USP38: variants seen among roughly 807,000 people sequenced by gnomAD.
USP38 encodes the protein ubiquitin carboxyl-terminal hydrolase 38.
In USP38, 49 loss-of-function variants were observed where a neutral mutation model predicts 94.3. The ratio of observed to expected loss-of-function variants is 0.52; its 90% confidence interval spans 0.41 to 0.66. The LOEUF (loss-of-function observed/expected upper bound fraction) is 0.66, where lower values mean the gene tolerates loss of function less well. Among genes scored for constraint, USP38 ranks in the 30% least tolerant of loss-of-function variants. The pLI is 0.00. For synonymous variants in USP38, 468 were observed against 463.6 expected, an observed-to-expected ratio of 1.01 and a Z score of -0.12; for missense variants, 1,128 against 1,229.4, an observed-to-expected ratio of 0.92 and a Z score of 1.23.
At chr4:143,206,288 T>A in intron 6 of USP38, 62 bp downstream of exon 6, 1 of 1,343,516 alleles carries the variant, frequency 7.4e-7, no homozygotes, top group Non-Finnish European at 1.0e-6. Flanking sequence ...TGATGAAATA[T>A]AAGATGATAG....
intron 2 of USP38, among the ~76,000 whole-genome samples, chr4:143,190,634 A>G (rs1731369727): frequency 6.6e-6 from 1 of 152,104 alleles, no homozygotes; most frequent in Non-Finnish European, 1.5e-5. Context: ...CCATCCTTTC[A>G]TTCCCTTTGA....
At chr4:143,201,269 A>C (rs982633515) in intron 4 of USP38, among the ~76,000 whole-genome samples, 3 of 152,234 alleles carry the variant, frequency 2.0e-5, no homozygotes, top group African/African-American at 7.2e-5. Flanking sequence ...TGTCAAAACA[A>C]GCAATGGGGA....
chr4:143,192,550 CTTTTTT>C (rs35416730), intron 2 of USP38, among the ~76,000 whole-genome samples: 1 of 103,410 alleles, frequency 9.7e-6, no homozygotes, highest in Non-Finnish European at 1.8e-5. Flanking sequence ...TCCCATATTA[CTTTTTT>C]TTTTTTTTTT....
Position 143,192,550 on chromosome 4 carries a change from C to CTTTT in USP38, c.819-3148_819-3145dup, listed in dbSNP as rs35416730. On this transcript the variant is annotated intron_variant, in intron 2 of 9. Coordinates refer to ENST00000307017, the MANE Select transcript of USP38 (RefSeq NM_032557.6). ...AGTGTCTCTATCAGATCCCATATTA[C>CTTTT]TTTTTTTTTTTTTTTTTTTTTCATT... Among the ~76,000 whole-genome samples the CTTTT allele has an allele frequency of 2.1e-3, 221 of 103,346 alleles. 13 individuals are homozygous for CTTTT. Among genetic ancestry groups the CTTTT allele is most frequent in the Middle Eastern group, 0.013 (2 of 160 alleles). 67.8% of individuals were successfully genotyped at this position (103,346 alleles called of 152,430 possible).
chr4:143,201,928 C>A (rs572370441), intron 4 of USP38, among the ~76,000 whole-genome samples: 1 of 151,992 alleles, frequency 6.6e-6, no homozygotes, highest in Non-Finnish European at 1.5e-5. Context: ...ATTTCCATGT[C>A]GTGATAATGT....
At chr4:143,215,187 C>G (rs982211900) in intron 9 of USP38, 4 of 469,862 alleles carry the variant, frequency 8.5e-6, no homozygotes, top group African/African-American at 7.9e-5. Flanking sequence ...AAAGATGGCT[C>G]ATTCTGAAAT....
chr4:143,194,059 G>A (rs1308737172), intron 2 of USP38, among the ~76,000 whole-genome samples: 4 of 152,164 alleles, frequency 2.6e-5, no homozygotes, highest in Non-Finnish European at 4.4e-5. Flanking sequence ...GCTGCACTCC[G>A]GTCTGGGTGA....
intron 9 of USP38, among the ~76,000 whole-genome samples, chr4:143,218,465 A>G (rs1054232460): frequency 1.3e-5 from 2 of 152,028 alleles, no homozygotes; most frequent in East Asian, 1.9e-4. Flanking sequence ...AGTTTTTCCT[A>G]TTTTTATGCA....
chr4:143,214,088 A>G lies in USP38; in HGVS notation c.2112A>G (p.Lys704=), dbSNP rs1370274916. 8 of 1,613,426 alleles carry G rather than the reference A, an allele frequency of 5.0e-6. No individual in the cohort carries two copies. In the South Asian group the frequency reaches 8.8e-5, roughly 18 times the overall value. ...PNESNKILVN[K]DVPQKPGGET... The stretch of plus-strand genomic sequence containing the variant: ...AATCTAACAAGATTCTTGTTAATAA[A>G]GATGTACCTCAGAAACCAGGAGGTG... The change falls in exon 9 of 10, where the codon AAA becomes AAG. Residue 704 remains lysine (K), a synonymous_variant. Transcript: ENST00000307017.
chr4:143,220,046 G>A (rs1732282783), intron 9 of USP38, among the ~76,000 whole-genome samples: 1 of 152,062 alleles, frequency 6.6e-6, no homozygotes, highest in Non-Finnish European at 1.5e-5. Flanking sequence ...ATAATCTATT[G>A]TGATAATCTT....
intron 2 of USP38, among the ~76,000 whole-genome samples, chr4:143,193,143 T>TA (rs1731445849): frequency 6.6e-6 from 1 of 152,192 alleles, no homozygotes; most frequent in Non-Finnish European, 1.5e-5. Flanking sequence ...ACATCTTTTT[T>TA]ATGTCCATAT....
At position 143,185,943 on chromosome 4, in the gene USP38, A is replaced by G. The variant is rs1731208781; in HGVS notation, c.493A>G (p.Ile165Val). 1.9e-6 allele frequency: 3 copies of G among 1,614,164 alleles called. No homozygotes were observed. The highest frequency in any genetic ancestry group is 1.1e-5 in the South Asian group (1 of 91,082). Residue 165 changes from isoleucine (I) to valine (V), a missense_variant, in exon 1 of 10, where the codon ATC (isoleucine) becomes GTC (valine). Physicochemically the swap from Ile to Val is conservative, Grantham distance 29. Transcript: ENST00000307017. ...VQCIPKGKLS[I>V]TFCQQLVRTI... is the part of the protein sequence containing the mutation. ...ATGCATCCCCAAGGGGAAATTGTCC[A>G]TCACGTTCTGTCAACAGCTGGTTCG... is the stretch of plus-strand genomic sequence containing the variant.
chr4:143,210,468 T>G (rs1307163615), intron 7 of USP38, among the ~76,000 whole-genome samples: 1 of 151,854 alleles, frequency 6.6e-6, no homozygotes, highest in Non-Finnish European at 1.5e-5. Context: ...ACGCCTGTAA[T>G]CCCAGCTACT....
At chr4:143,211,771 T>C (rs1732030707) in intron 7 of USP38, among the ~76,000 whole-genome samples, 1 of 152,156 alleles carries the variant, frequency 6.6e-6, no homozygotes, top group African/African-American at 2.4e-5. Flanking sequence ...CTCTATACTT[T>C]AAAACAAAAA....
rs770068737 is a variant in USP38, at chr4:143,214,613, G to A, written c.2637G>A (p.Glu879=). The A allele has an allele frequency of 3.8e-5, 61 of 1,613,510 alleles. No individual in the cohort carries two copies. The highest frequency in any genetic ancestry group is 4.9e-5 in the Non-Finnish European group (58 of 1,179,812). ...DSSYQMYHQS[E]ALALASSQSH... is the part of the protein sequence containing the mutation. ...CATATCAGATGTACCACCAGTCTGAGGCTCTGGCATTAGCATCCTCCCAGA... is the reference window on the plus strand; with the variant it reads ...CATATCAGATGTACCACCAGTCTGAAGCTCTGGCATTAGCATCCTCCCAGA... Residue 879 remains glutamate (E), a synonymous_variant, in exon 9 of 10, where the codon GAG becomes GAA. Transcript: ENST00000307017.
chr4:143,188,814 A>G (rs891672475), intron 2 of USP38, among the ~76,000 whole-genome samples: 12 of 152,098 alleles, frequency 7.9e-5, no homozygotes, highest in Non-Finnish European at 1.8e-4. Context: ...CAGTAATTTA[A>G]TAACACACTT....
rs536351044 is a variant in USP38 at position 143,223,097 on chromosome 4, A to T, written c.*2641A>T. ...TTAAAGTAAAAAATTGTTTAGAGAT[A>T]TGCAAAGAAGGAAATATATATGATG... On this transcript the variant is annotated 3_prime_UTR_variant, in exon 10 of 10. Transcript: ENST00000307017. The T allele has an allele frequency of 6.6e-6, 1 of 152,178 alleles. No homozygotes were observed. The highest frequency in any genetic ancestry group is 6.5e-5 in the Admixed American group (1 of 15,270). 9.4% of individuals were successfully genotyped at this position (152,178 alleles called of 1,614,324 possible). A position where few individuals can be genotyped will look rare whatever the true frequency, so the allele number is the denominator to read the frequency against.
In USP38 at chr4:143,213,688, T is replaced by G; in HGVS notation, c.1712T>G (p.Val571Gly). ...SLQEVASKAAVLTETPRTSDG... is the reference protein window; with the variant it reads ...SLQEVASKAAGLTETPRTSDG... ...CAGGAAGTAGCTAGTAAAGCAGCAG[T>G]ACTAACAGAGACCCCTCGTACAAGT... Residue 571 changes from valine (V) to glycine (G), a missense_variant, in exon 9 of 10, where the codon GTA becomes GGA. By Grantham distance (109) the Val-to-Gly change is moderately radical (BLOSUM62 -3). Transcript: ENST00000307017. 6.2e-7 allele frequency: 1 copy of G among 1,613,632 alleles called. No homozygotes were observed. The highest frequency in any genetic ancestry group is 8.5e-7 in the Non-Finnish European group (1 of 1,179,758).
At position 143,223,463 on chromosome 4, in the gene USP38, A is replaced by T. The variant is rs1732373428; in HGVS notation, c.*3007A>T. ...ACAAAAATTTTCAAGCTAAGTCTTA[A>T]GTTCAAATCTATAATTTTTTTCTCT... On this transcript the variant is annotated 3_prime_UTR_variant, in exon 10 of 10. Coordinates refer to ENST00000307017, the MANE Select transcript of USP38 (RefSeq NM_032557.6). The T allele has an allele frequency of 6.6e-6, 1 of 152,170 alleles. No homozygotes were observed. The highest frequency in any genetic ancestry group is 2.4e-5 in the African/African-American group (1 of 41,452). The allele number at this position is 152,170 out of a possible 1,614,324, so 9.4% of individuals were successfully genotyped here.
Sources: allele counts gnomAD v4.1 joint callset (sites outside exome capture counted in the v4.1 genomes callset), GRCh38; gene constraint gnomAD v4.1.1; transcripts MANE v1.5; gene names NCBI Gene and HGNC (gene_info 2026-07-23, HGNC 2026-07-21).